The following ITGB5 variants were observed in gnomAD, a reference collection of about 807,000 sequenced individuals.
ITGB5 encodes integrin beta-5.
A neutral mutation model predicts 84.8 loss-of-function variants in ITGB5; 38 were observed. That is an observed-to-expected ratio of 0.45 (90% CI 0.35 to 0.59). ITGB5 has a LOEUF of 0.59. Among genes scored for constraint, ITGB5 ranks in the 20% least tolerant of loss-of-function variants. The pLI, the probability that ITGB5 is intolerant of heterozygous loss-of-function variation, is 0.01. For synonymous variants in ITGB5, 393 were observed against 414.4 expected, an observed-to-expected ratio of 0.95 and a Z score of 0.63; for missense variants, 905 against 1,034.5, an observed-to-expected ratio of 0.87 and a Z score of 1.72.
intron 2 of ITGB5, among the ~76,000 whole-genome samples, chr3:124,865,485 T>TTTC (rs1553766694): frequency 7.4e-6 from 1 of 135,384 alleles, no homozygotes; most frequent in African/African-American, 2.8e-5. Flanking sequence ...TTTTTTCTTT[T>TTTC]TTTTTTTTTT....
intron 11 of ITGB5, among the ~76,000 whole-genome samples, chr3:124,772,206 T>A (rs1267931529): frequency 1.3e-5 from 2 of 152,182 alleles, no homozygotes; most frequent in African/African-American, 4.8e-5. Context: ...TGGATCTGTT[T>A]TTTCTCTGCT....
chr3:124,885,452 G>A (rs1934760342), intron 1 of ITGB5, among the ~76,000 whole-genome samples: 1 of 151,966 alleles, frequency 6.6e-6, no homozygotes, highest in South Asian at 2.1e-4. Flanking sequence ...AAAGAGAAGG[G>A]GAGCTTAACA....
chr3:124,898,004 G>T (rs1415939882), intron 1 of ITGB5, among the ~76,000 whole-genome samples: 1 of 152,078 alleles, frequency 6.6e-6, no homozygotes, highest in Non-Finnish European at 1.5e-5. Context: ...AATCTCTCTT[G>T]CAAAATCCTC....
intron 8 of ITGB5, among the ~76,000 whole-genome samples, chr3:124,813,905 C>T (rs963155733): frequency 4.6e-5 from 7 of 152,154 alleles, no homozygotes; most frequent in Non-Finnish European, 1.0e-4. Context: ...AATCACATGG[C>T]TGGTTCCCCT....
At position 124,859,350 on chromosome 3, in the gene ITGB5, T is replaced by G; in HGVS notation, c.253A>C (p.Ser85Arg). ...GGCAGGCTCCTCAGGACATGGAAGC[T>G]GCTGGCTGGGCTCTCTATCTCACCT... ...CGGEIESPASSFHVLRSLPLS... is the reference protein window; with the variant it reads ...CGGEIESPASRFHVLRSLPLS... Residue 85 changes from serine to arginine, a missense_variant, in exon 3 of 15, where the codon AGC (serine) becomes CGC (arginine). Transcript: ENST00000296181. 6.2e-7 allele frequency: 1 copy of G among 1,614,122 alleles called. No homozygotes were observed. Among genetic ancestry groups the G allele is most frequent in the South Asian group, 1.1e-5 (1 of 91,070 alleles).
chr3:124,778,699 T>C (rs1225431264), intron 10 of ITGB5, among the ~76,000 whole-genome samples: 1 of 152,116 alleles, frequency 6.6e-6, no homozygotes, highest in Non-Finnish European at 1.5e-5. Flanking sequence ...TGGGATACAT[T>C]TGAGCATTCT....
intron 3 of ITGB5, among the ~76,000 whole-genome samples, chr3:124,851,037 C>T (rs1366173396): frequency 6.6e-6 from 1 of 152,260 alleles, no homozygotes; most frequent in Non-Finnish European, 1.5e-5. Context: ...CAAGTTCCCA[C>T]CTACAACTTA....
At chr3:124,803,393 T>C (rs1044564164) in intron 9 of ITGB5, among the ~76,000 whole-genome samples, 1 of 152,098 alleles carries the variant, frequency 6.6e-6, no homozygotes, top group Non-Finnish European at 1.5e-5. Context: ...ATACATAAAA[T>C]GGCGAAGGAA....
At chr3:124,800,277 C>T (rs2064296512) in intron 9 of ITGB5, among the ~76,000 whole-genome samples, 1 of 152,156 alleles carries the variant, frequency 6.6e-6, no homozygotes, top group Non-Finnish European at 1.5e-5. Context: ...GAGCCAAAGG[C>T]ATTTAATTAT....
chr3:124,764,496 AAGGAGGATGCTACCGACCACAGCC>A lies in ITGB5; in HGVS notation c.2175_2198del (p.Ala726_Leu733del). The stretch of plus-strand genomic sequence containing the variant: ...AGATAGCCAGGAGTGCAAGCCCAAC[AAGGAGGATGCTACCGACCACAGCC>A]AGGAGGATGGTCATGGCGTTGGGGG... On this transcript the variant is annotated inframe_deletion, in exon 14 of 15. Coordinates refer to ENST00000296181, the MANE Select transcript of ITGB5 (RefSeq NM_002213.5). 1.2e-6 allele frequency: 2 copies of A among 1,613,936 alleles called. No homozygotes were observed. The highest frequency in any genetic ancestry group is 1.7e-6 in the Non-Finnish European group (2 of 1,179,946).
intron 3 of ITGB5, among the ~76,000 whole-genome samples, chr3:124,854,274 G>A (rs1226114583): frequency 6.6e-6 from 1 of 152,160 alleles, no homozygotes; most frequent in African/African-American, 2.4e-5. Context: ...GTACATGAAC[G>A]TTCATAGCAG....
intron 1 of ITGB5, among the ~76,000 whole-genome samples, chr3:124,884,466 C>T (rs1007185253): frequency 5.3e-5 from 8 of 152,022 alleles, no homozygotes; most frequent in Non-Finnish European, 8.8e-5. Context: ...TTTGGGAGGC[C>T]GAGGCGGGCG....
intron 10 of ITGB5, among the ~76,000 whole-genome samples, chr3:124,787,138 A>G (rs2064092861): frequency 6.6e-6 from 1 of 152,176 alleles, no homozygotes; most frequent in Admixed American, 6.5e-5. Flanking sequence ...CCAGGCCTGA[A>G]GTTCAAAGGC....
chr3:124,820,606 G>A (rs1276006197), intron 6 of ITGB5, among the ~76,000 whole-genome samples: 2 of 152,132 alleles, frequency 1.3e-5, no homozygotes, highest in South Asian at 2.1e-4. Flanking sequence ...AAGAAAATTG[G>A]GAAGAATTCC....
intron 8 of ITGB5, among the ~76,000 whole-genome samples, chr3:124,812,052 A>T (rs1440748338): frequency 6.6e-6 from 1 of 152,250 alleles, no homozygotes; most frequent in East Asian, 1.9e-4. Flanking sequence ...CGTGGTTGTA[A>T]GGGTCTCTGC....
intron 10 of ITGB5, among the ~76,000 whole-genome samples, chr3:124,786,640 G>C (rs959090993): frequency 3.5e-4 from 54 of 152,266 alleles, no homozygotes; most frequent in African/African-American, 1.2e-3. Flanking sequence ...GAAAGAGGAA[G>C]GAAACCTTTG....
intron 10 of ITGB5, 103 bp from the exon 11 acceptor site, chr3:124,774,015 G>A (rs2063887692): frequency 1.1e-5 from 11 of 1,024,766 alleles, no homozygotes; most frequent in African/African-American, 1.6e-5. Context: ...GCAGAGAATG[G>A]AACACCAACT....
At chr3:124,883,220 C>A (rs992497007) in intron 1 of ITGB5, among the ~76,000 whole-genome samples, 1 of 152,106 alleles carries the variant, frequency 6.6e-6, no homozygotes, top group Non-Finnish European at 1.5e-5. Context: ...CATGGCCAGG[C>A]TGAATAAGAA....
intron 2 of ITGB5, among the ~76,000 whole-genome samples, chr3:124,861,564 ATTT>A (rs34687815): frequency 1.5e-5 from 2 of 129,434 alleles, no homozygotes; most frequent in South Asian, 2.5e-4. Context: ...CTGGCCTTAG[ATTT>A]TTTTTTTTTT....
Sources: allele counts gnomAD v4.1 joint callset (sites outside exome capture counted in the v4.1 genomes callset), GRCh38; gene constraint gnomAD v4.1.1; transcripts MANE v1.5; gene names NCBI Gene and HGNC (gene_info 2026-07-23, HGNC 2026-07-21).